Variants in CNTN3 observed in about 807,000 individuals in gnomAD.
CNTN3 encodes contactin-3.
Under a neutral mutation model 119.1 loss-of-function variants are expected in CNTN3, and 60 were observed. The ratio of observed to expected loss-of-function variants is 0.50; its 90% CI spans 0.41 to 0.62. The LOEUF (loss-of-function observed/expected upper bound fraction) is 0.62. Among genes scored for constraint, CNTN3 ranks in the 20% least tolerant of loss-of-function variants. CNTN3 has a pLI of 0.00. For synonymous variants in CNTN3, 450 were observed against 438.7 expected (o/e 1.03, Z -0.32); for missense variants, 1,101 against 1,242.4 (o/e 0.89, Z 1.71).
At chr3:74,337,520 T>A (rs1393798590) in intron 11 of CNTN3, among the ~76,000 whole-genome samples, 1 of 152,038 alleles carries the variant, frequency 6.6e-6, no homozygotes, top group Non-Finnish European at 1.5e-5. Flanking sequence ...GGCCTCACAA[T>A]CATGGTAAAA....
At chr3:74,571,879 T>G (rs1052098608) in intron 1 of CNTN3, among the ~76,000 whole-genome samples, 2 of 152,182 alleles carry the variant, frequency 1.3e-5, no homozygotes, top group African/African-American at 4.8e-5. Context: ...GTCTTCGCTC[T>G]TTCTGGCCTT....
chr3:74,379,329 T>A (rs1704556292), intron 5 of CNTN3, among the ~76,000 whole-genome samples: 1 of 152,152 alleles, frequency 6.6e-6, no homozygotes. Context: ...CTAATTTTTG[T>A]ATTTTTAGTA....
intron 13 of CNTN3, among the ~76,000 whole-genome samples, chr3:74,331,713 C>A (rs540643496): frequency 6.6e-6 from 1 of 152,130 alleles, no homozygotes; most frequent in Non-Finnish European, 1.5e-5. Context: ...TTTAATGATA[C>A]GACTTTTTGA....
chr3:74,340,377 A>G (rs1238537780), intron 11 of CNTN3, among the ~76,000 whole-genome samples: 1 of 152,168 alleles, frequency 6.6e-6, no homozygotes, highest in African/African-American at 2.4e-5. Flanking sequence ...GAGAATAAGT[A>G]AACAGAGAGG....
chr3:74,269,048 GA>G (rs5850167), intron 20 of CNTN3, among the ~76,000 whole-genome samples: 56,121 of 117,034 alleles, frequency 0.48, 12,194 homozygotes, highest in African/African-American at 0.64. Context: ...ATGACAAAAA[GA>G]AAAAAAAAAA....
intron 11 of CNTN3, among the ~76,000 whole-genome samples, chr3:74,360,445 C>T (rs1407649616): frequency 2.0e-5 from 3 of 152,196 alleles, no homozygotes; most frequent in Admixed American, 1.3e-4. Flanking sequence ...AAATTAATTC[C>T]ACTAAGTTTC....
At chr3:74,342,351 T>G (rs901421380) in intron 11 of CNTN3, among the ~76,000 whole-genome samples, 2 of 152,166 alleles carry the variant, frequency 1.3e-5, no homozygotes, top group East Asian at 3.9e-4. Flanking sequence ...CTTCTACCTA[T>G]CCTATTTTGG....
intron 1 of CNTN3, among the ~76,000 whole-genome samples, chr3:74,550,855 A>G (rs1320748466): frequency 6.6e-6 from 1 of 152,182 alleles, no homozygotes; most frequent in African/African-American, 2.4e-5. Flanking sequence ...GCCAGCTTTT[A>G]TCATCAGCCT....
At chr3:74,326,930 A>G (rs1179877370) in intron 13 of CNTN3, among the ~76,000 whole-genome samples, 1 of 152,058 alleles carries the variant, frequency 6.6e-6, no homozygotes, top group East Asian at 1.9e-4. Flanking sequence ...GATGTGGAAG[A>G]AGTATCTTTG....
At chr3:74,291,830 T>C (rs1438282715) in intron 19 of CNTN3, among the ~76,000 whole-genome samples, 1 of 152,142 alleles carries the variant, frequency 6.6e-6, no homozygotes, top group African/African-American at 2.4e-5. Context: ...AGCCCTTTAA[T>C]TCTAGCAGCT....
chr3:74,399,720 A>G (rs1282768607), intron 5 of CNTN3, among the ~76,000 whole-genome samples: 2 of 152,144 alleles, frequency 1.3e-5, no homozygotes, highest in African/African-American at 2.4e-5. Flanking sequence ...TTGCCACTCT[A>G]TCTTCCACAA....
At chr3:74,264,536 T>C in intron 22 of CNTN3, 35 bp from the exon 23 acceptor site, 1 of 1,382,614 alleles carries the variant, frequency 7.2e-7, no homozygotes, top group African/African-American at 1.4e-5. Context: ...TTAATAAGGA[T>C]TGTACCAATA....
intron 1 of CNTN3, among the ~76,000 whole-genome samples, chr3:74,552,941 C>A (rs1287560050): frequency 1.3e-5 from 2 of 152,032 alleles, no homozygotes; most frequent in East Asian, 3.9e-4. Flanking sequence ...TCACTCCTTT[C>A]TTTTTTTAAT....
chr3:74,576,043 G>A (rs187345560), intron 1 of CNTN3, among the ~76,000 whole-genome samples: 88 of 152,060 alleles, frequency 5.8e-4, no homozygotes, highest in African/African-American at 2.0e-3. Context: ...GTGGAGTGTT[G>A]GGCCCTAGGC....
At position 74,263,535 on chromosome 3, in the gene CNTN3, T is replaced by C. The variant is rs545273101; in HGVS notation, c.*866A>G. 7.9e-5 allele frequency: 12 copies of C among 152,228 alleles called. No homozygotes were observed. Among genetic ancestry groups the C allele is most frequent in the South Asian group, 2.1e-4 (1 of 4,830 alleles). 9.4% of individuals were successfully genotyped at this position (152,228 alleles called of 1,614,324 possible). ...TTTTTTAATTTAAAAAAACTTTTTT[T>C]TTTTGAGAAAGAATAAAATGTGATC... On this transcript the variant is annotated 3_prime_UTR_variant, in exon 23 of 23. Transcript: ENST00000263665.
chr3:74,472,501 T>C (rs1018203577), intron 4 of CNTN3, among the ~76,000 whole-genome samples: 3 of 152,226 alleles, frequency 2.0e-5, no homozygotes, highest in African/African-American at 7.2e-5. Context: ...CTTCAGTTAT[T>C]GTACAAACTA....
chr3:74,478,737 C>G (rs969984372), intron 4 of CNTN3, among the ~76,000 whole-genome samples: 5 of 152,032 alleles, frequency 3.3e-5, no homozygotes, highest in African/African-American at 1.2e-4. Context: ...TGCCAACAAC[C>G]AAATATAACC....
chr3:74,409,671 T>C (rs146596638), intron 5 of CNTN3, among the ~76,000 whole-genome samples: 2 of 152,282 alleles, frequency 1.3e-5, no homozygotes, highest in African/African-American at 4.8e-5. Flanking sequence ...TCATATTTTT[T>C]GTTTTAACTT....
chr3:74,592,575 G>GAAAGT (rs1298338265), intron 1 of CNTN3, among the ~76,000 whole-genome samples: 1 of 151,868 alleles, frequency 6.6e-6, no homozygotes, highest in Non-Finnish European at 1.5e-5. Context: ...TCAGACTTCA[G>GAAAGT]AAAGTAGCTG....
Sources: gnomAD v4.1 joint callset for allele counts (sites outside exome capture counted in the v4.1 genomes callset) on GRCh38, gnomAD v4.1.1 for gene constraint, MANE v1.5 for transcripts, NCBI Gene and HGNC (gene_info 2026-07-23, HGNC 2026-07-21) for gene names.